XKR9: variants seen among roughly 807,000 people sequenced by gnomAD.
The protein encoded by XKR9 is XK related 9.
In XKR9, 32 loss-of-function variants were observed where a neutral mutation model predicts 32.0. That is an observed-to-expected ratio of 1.00 (90% CI 0.76 to 1.34). The LOEUF (loss-of-function observed/expected upper bound fraction) is 1.34, where lower values mean the gene tolerates loss of function less well. XKR9 is among the 40% of genes most tolerant of loss of function. The probability of loss-of-function intolerance (pLI) is 0.00; values close to 1 mark genes in which losing one functional copy is unlikely to be tolerated. For synonymous variants in XKR9, 168 were observed against 143.4 expected (o/e 1.17, Z -1.22); for missense variants, 546 against 429.7 (o/e 1.27, Z -2.39).
At chr8:70,841,720 G>T in the XKR9 span, among the ~76,000 whole-genome samples, 1 of 152,082 alleles carries the variant, frequency 6.6e-6, no homozygotes, top group East Asian at 1.9e-4. Context: ...CCCATGATCA[G>T]GTTATACAAA....
chr8:70,773,837 T>C (rs575047575), intron 2 of XKR9, among the ~76,000 whole-genome samples: 7 of 152,322 alleles, frequency 4.6e-5, no homozygotes, highest in African/African-American at 1.7e-4. Context: ...CTTCATTTCT[T>C]TGTAATCTTT....
At chr8:71,013,960 T>C in the XKR9 span, among the ~76,000 whole-genome samples, 1 of 152,118 alleles carries the variant, frequency 6.6e-6, no homozygotes, top group African/African-American at 2.4e-5. Context: ...TGGTACATTG[T>C]TCTCCAGGTC....
chr8:70,959,241 T>C, the XKR9 span, among the ~76,000 whole-genome samples: 7 of 152,162 alleles, frequency 4.6e-5, no homozygotes, highest in East Asian at 1.3e-3. Context: ...ATTAATCAGT[T>C]ATTATTTCCA....
chr8:70,763,897 C>T (rs1454964625), intron 2 of XKR9, among the ~76,000 whole-genome samples: 1 of 152,192 alleles, frequency 6.6e-6, no homozygotes, highest in Non-Finnish European at 1.5e-5. Context: ...TGGCATCTGC[C>T]TCTAGGTCTG....
intron 2 of XKR9, among the ~76,000 whole-genome samples, chr8:70,783,165 T>C (rs1267372310): frequency 7.2e-5 from 11 of 152,182 alleles, no homozygotes; most frequent in Non-Finnish European, 1.6e-4. Context: ...TTACCTTGCA[T>C]TTCCCTAATG....
chr8:70,920,743 C>T, the XKR9 span, among the ~76,000 whole-genome samples: 1 of 151,874 alleles, frequency 6.6e-6, no homozygotes, highest in South Asian at 2.1e-4. Context: ...TAAAAAGCAA[C>T]CTGTTTATAT....
At chr8:70,675,557 A>G (rs550289949) in intron 2 of XKR9, among the ~76,000 whole-genome samples, 2 of 152,254 alleles carry the variant, frequency 1.3e-5, no homozygotes, top group African/African-American at 4.8e-5. Flanking sequence ...TTGCTTCCAC[A>G]TCTGGGCATA....
the XKR9 span, among the ~76,000 whole-genome samples, chr8:70,946,993 A>T: frequency 1.6e-3 from 250 of 152,288 alleles, 1 homozygote; most frequent in African/African-American, 5.8e-3. Flanking sequence ...AATTTCTGCC[A>T]CCAGGGGCCA....
chr8:70,995,143 GC>G, the XKR9 span, among the ~76,000 whole-genome samples: 1 of 152,110 alleles, frequency 6.6e-6, no homozygotes, highest in African/African-American at 2.4e-5. Flanking sequence ...CTTCTCAATA[GC>G]CTTCAGATCA....
the XKR9 span, among the ~76,000 whole-genome samples, chr8:70,856,259 C>T: frequency 1.3e-5 from 2 of 152,018 alleles, no homozygotes; most frequent in Non-Finnish European, 2.9e-5. Context: ...CACACATAGG[C>T]TCAAAATAAA....
At chr8:70,717,509 G>A (rs1806131312) in intron 4 of XKR9, among the ~76,000 whole-genome samples, 1 of 152,204 alleles carries the variant, frequency 6.6e-6, no homozygotes, top group South Asian at 2.1e-4. Context: ...ACCCTCTGAA[G>A]CAATGGCCTA....
chr8:71,056,437 C>A, the XKR9 span, among the ~76,000 whole-genome samples: 1 of 152,062 alleles, frequency 6.6e-6, no homozygotes, highest in Non-Finnish European at 1.5e-5. Flanking sequence ...ATGGGTTAGG[C>A]CAAATTACTC....
intron 2 of XKR9, among the ~76,000 whole-genome samples, chr8:70,787,050 GC>G (rs1807698568): frequency 1.3e-5 from 2 of 152,074 alleles, no homozygotes; most frequent in Admixed American, 1.3e-4. Context: ...AGGCAATCAT[GC>G]AAAGTCTTTA....
chr8:70,944,992 A>G, the XKR9 span, among the ~76,000 whole-genome samples: 1 of 152,012 alleles, frequency 6.6e-6, no homozygotes, highest in Non-Finnish European at 1.5e-5. Flanking sequence ...AGGGAATACA[A>G]CATTAGGTAA....
intron 2 of XKR9, among the ~76,000 whole-genome samples, chr8:70,777,410 T>TAA (rs1447484990): frequency 1.3e-5 from 2 of 152,214 alleles, no homozygotes; most frequent in East Asian, 3.8e-4. Flanking sequence ...TGTGCTGCAA[T>TAA]AAACATACGT....
intron 2 of XKR9, among the ~76,000 whole-genome samples, chr8:70,773,557 A>C (rs746942961): frequency 1.3e-5 from 2 of 152,180 alleles, no homozygotes; most frequent in Non-Finnish European, 2.9e-5. Flanking sequence ...ACTTGGATTA[A>C]CTTTTGTGTG....
chr8:71,033,894 T>C, the XKR9 span, among the ~76,000 whole-genome samples: 2 of 152,170 alleles, frequency 1.3e-5, no homozygotes, highest in South Asian at 2.1e-4. Context: ...TCAGGTATTA[T>C]GTTATAGCAG....
chr8:70,937,080 T>TCA, the XKR9 span, among the ~76,000 whole-genome samples: 1 of 151,722 alleles, frequency 6.6e-6, no homozygotes, highest in Non-Finnish European at 1.5e-5. Flanking sequence ...TCCAGGAAAT[T>TCA]CACACACACA....
chr8:70,942,115 G>A, the XKR9 span, among the ~76,000 whole-genome samples: 3 of 152,152 alleles, frequency 2.0e-5, no homozygotes, highest in African/African-American at 2.4e-5. Flanking sequence ...CTGAACAGTT[G>A]AACAGTTATA....
Sources: allele counts gnomAD v4.1 joint callset (sites outside exome capture counted in the v4.1 genomes callset), GRCh38; gene constraint gnomAD v4.1.1; transcripts MANE v1.5; gene names NCBI Gene and HGNC (gene_info 2026-07-23, HGNC 2026-07-21).